Variants in FAIM observed in about 807,000 individuals in gnomAD.
The protein encoded by FAIM is Fas apoptotic inhibitory molecule.
In FAIM, 14 loss-of-function variants were observed where a neutral mutation model predicts 21.2. The ratio of observed to expected loss-of-function variants is 0.66; its 90% confidence interval spans 0.44 to 1.03. The LOEUF (loss-of-function observed/expected upper bound fraction) is 1.03. FAIM is among the 50% of genes least tolerant of loss of function. The pLI, the probability that FAIM is intolerant of heterozygous loss-of-function variation, is 0.00. For synonymous variants in FAIM, 86 were observed against 80.4 expected, an observed-to-expected ratio of 1.07 and a Z score of -0.37; for missense variants, 222 against 247.1, an observed-to-expected ratio of 0.90 and a Z score of 0.68.
rs1271748894 is a variant in FAIM at position 138,622,415 on chromosome 3, G to T, written c.405G>T (p.Leu135Phe). Residue 135 changes from leucine to phenylalanine, a missense_variant and splice_region_variant, in exon 4 of 6, where the codon TTG becomes TTT. Leu to Phe is a conservative substitution (Grantham distance 22). Coordinates refer to ENST00000360570, the MANE Select transcript of FAIM (RefSeq NM_001033031.2). ...HMDGENFRIV[L>F]EKDAMDVWCN... ...ATGGTGAGAACTTTAGAATTGTTTT[G>T]GGTAAGTTAGTGCTGTTTCCGCAGA... 1.3e-6 allele frequency: 2 copies of T among 1,575,140 alleles called. No individual in the cohort carries two copies. Among genetic ancestry groups the T allele is most frequent in the East Asian group, 2.3e-5 (1 of 44,258 alleles).
chr3:138,632,567 G>C (rs995933310), intron 5 of FAIM, among the ~76,000 whole-genome samples: 2 of 152,132 alleles, frequency 1.3e-5, no homozygotes, highest in African/African-American at 4.8e-5. Context: ...GCTCACACCT[G>C]TAATCCCAGC....
intron 2 of FAIM, among the ~76,000 whole-genome samples, chr3:138,620,719 G>T (rs2042875670): frequency 6.6e-6 from 1 of 152,084 alleles, no homozygotes; most frequent in Non-Finnish European, 1.5e-5. Context: ...GAACTCCTGG[G>T]CTCAAGTAAT....
rs569122795 is a variant in FAIM, at chr3:138,612,162, G to A, written c.-17+3225G>A. Among the ~76,000 whole-genome samples, 948 of 146,054 alleles carry A rather than the reference G, an allele frequency of 6.5e-3. 11 individuals carry two copies. The highest frequency in any genetic ancestry group is 0.023 in the African/African-American group (888 of 38,338). On this transcript the variant is annotated intron_variant, in intron 1 of 5. Coordinates refer to ENST00000360570, the MANE Select transcript of FAIM (RefSeq NM_001033031.2). ...GTCACCCAGGCTGGAGTGCAGTGGTGCGATCTCAGCTCACTGCAAGCTCCG... is the reference window on the plus strand; with the variant it reads ...GTCACCCAGGCTGGAGTGCAGTGGTACGATCTCAGCTCACTGCAAGCTCCG...
At chr3:138,631,487 G>A (rs950015322) in intron 5 of FAIM, among the ~76,000 whole-genome samples, 6 of 152,118 alleles carry the variant, frequency 3.9e-5, no homozygotes, top group Non-Finnish European at 4.4e-5. Flanking sequence ...TCTTTGTTTT[G>A]TAGTAATTAA....
chr3:138,633,072 C>G lies in FAIM; in HGVS notation c.599C>G (p.Ala200Gly), dbSNP rs1243852478. 1 of 1,611,024 alleles carries G rather than the reference C, an allele frequency of 6.2e-7. No homozygotes were observed. ...GATAATAGAGAAATCCCAGAGATTG[C>G]AAGTTAATGAATTTTCATCTTAAGA... is the stretch of plus-strand genomic sequence containing the variant. ...IVDNREIPEI[A>G]S The change falls in exon 6 of 6, where the codon GCA (alanine) becomes GGA (glycine). Residue 200 changes from alanine (A) to glycine (G), a missense_variant. Physicochemically the swap from Ala to Gly is moderately conservative, Grantham distance 60. Coordinates refer to ENST00000360570, the MANE Select transcript of FAIM (RefSeq NM_001033031.2).
rs79848685 is a variant in FAIM at position 138,626,168 on chromosome 3, T to C, written c.407-2939T>C. Among the ~76,000 whole-genome samples, 561 of 152,280 alleles carry C rather than the reference T, an allele frequency of 3.7e-3. 3 individuals carry two copies. The highest frequency in any genetic ancestry group is 0.01 in the Middle Eastern group (3 of 294). On this transcript the variant is annotated intron_variant, in intron 4 of 5. Coordinates refer to ENST00000360570, the MANE Select transcript of FAIM (RefSeq NM_001033031.2). The stretch of plus-strand genomic sequence containing the variant: ...GAATCCGCAGGCAAAGAGGAGATGC[T>C]CCAAGATGAACATGCAGCAGCAACT...
intron 1 of FAIM, chr3:138,611,094 G>T: frequency 7.9e-7 from 1 of 1,259,050 alleles, no homozygotes; most frequent in South Asian, 1.2e-5. Flanking sequence ...TGGTATGCTG[G>T]ATGAACTTAG....
chr3:138,621,283 G>A (rs1337755535), intron 2 of FAIM, 124 bp from the exon 3 acceptor site: 9 of 976,784 alleles, frequency 9.2e-6, no homozygotes, highest in Non-Finnish European at 4.6e-6. Flanking sequence ...AATTTCTTAG[G>A]TACTGTCACT....
At chr3:138,622,582 T>A (rs969016795) in intron 4 of FAIM, among the ~76,000 whole-genome samples, 166 bp downstream of exon 4, 6 of 152,110 alleles carry the variant, frequency 3.9e-5, no homozygotes, top group Non-Finnish European at 7.4e-5. Flanking sequence ...TTGTTTCCTA[T>A]CTGCTTGGGA....
At chr3:138,631,412 T>C (rs2043004008) in intron 5 of FAIM, among the ~76,000 whole-genome samples, 2 of 152,184 alleles carry the variant, frequency 1.3e-5, no homozygotes, top group African/African-American at 2.4e-5. Flanking sequence ...CAAGACCCTG[T>C]CACACACATA....
At chr3:138,618,580 A>G (rs2042852614) in intron 1 of FAIM, among the ~76,000 whole-genome samples, 1 of 152,194 alleles carries the variant, frequency 6.6e-6, no homozygotes, top group African/African-American at 2.4e-5. Flanking sequence ...AGACATGAGA[A>G]TTGCCTGAAC....
chr3:138,626,778 C>T (rs2042943060), intron 4 of FAIM, among the ~76,000 whole-genome samples: 2 of 152,152 alleles, frequency 1.3e-5, no homozygotes, highest in Non-Finnish European at 2.9e-5. Context: ...ATAGATTTTG[C>T]CCATTTGCCT....
At chr3:138,609,593 ACT>A (rs145700416) in intron 1 of FAIM, among the ~76,000 whole-genome samples, 17,123 of 26,470 alleles carry the variant, frequency 0.65, 4,796 homozygotes, top group East Asian at 0.88. Flanking sequence ...CTCTCTCTCG[ACT>A]CTCTCTCTCT....
At chr3:138,630,444 C>A (rs2042993418) in intron 5 of FAIM, 1 of 152,114 alleles carries the variant, frequency 6.6e-6, no homozygotes, top group Non-Finnish European at 1.5e-5. Flanking sequence ...CATAGTGAGA[C>A]CCATCTCTAA....
intron 1 of FAIM, among the ~76,000 whole-genome samples, chr3:138,617,093 T>C (rs903669199): frequency 4.6e-5 from 7 of 152,088 alleles, no homozygotes; most frequent in Admixed American, 2.6e-4. Flanking sequence ...GTGATCATGA[T>C]TTCTAATCTT....
intron 1 of FAIM, among the ~76,000 whole-genome samples, chr3:138,609,913 G>A (rs1193943500): frequency 6.6e-6 from 1 of 152,130 alleles, no homozygotes; most frequent in African/African-American, 2.4e-5. Context: ...TATAGATTGT[G>A]AAATGGCCCT....
At chr3:138,615,140 A>G (rs1203546925) in intron 1 of FAIM, among the ~76,000 whole-genome samples, 1 of 152,202 alleles carries the variant, frequency 6.6e-6, no homozygotes, top group Non-Finnish European at 1.5e-5. Context: ...AAAATCATCT[A>G]ACACAAAGCC....
chr3:138,611,083 T>C, intron 1 of FAIM: 1 of 1,382,300 alleles, frequency 7.2e-7, no homozygotes, highest in Non-Finnish European at 1.0e-6. Context: ...CCAATAACTA[T>C]TGGTATGCTG....
intron 5 of FAIM, chr3:138,631,098 A>AC: frequency 6.6e-6 from 1 of 151,474 alleles, no homozygotes; most frequent in East Asian, 1.9e-4. Context: ...AGGTTGCACC[A>AC]CGGCACTCCA....
Sources: allele counts gnomAD v4.1 joint callset (sites outside exome capture counted in the v4.1 genomes callset), GRCh38; gene constraint gnomAD v4.1.1; transcripts MANE v1.5; gene names NCBI Gene and HGNC (gene_info 2026-07-23, HGNC 2026-07-21).